Variants in ZBTB25 observed in about 807,000 individuals in gnomAD.
ZBTB25 encodes the protein zinc finger and BTB domain-containing protein 25.
A neutral mutation model predicts 34.2 loss-of-function variants in ZBTB25; 20 were observed. The observed-to-expected ratio is 0.58, with a 90% CI of 0.41 to 0.85. ZBTB25 has a LOEUF of 0.85. ZBTB25 is among the 40% of genes least tolerant of loss of function. The pLI, the probability that ZBTB25 is intolerant of heterozygous loss-of-function variation, is 0.00. For synonymous variants in ZBTB25, 175 were observed against 186.4 expected (o/e 0.94, Z 0.50); for missense variants, 437 against 521.8 (o/e 0.84, Z 1.58).
Position 64,487,289 on chromosome 14 carries a change from C to A in ZBTB25, c.942G>T (p.Arg314=). The A allele has an allele frequency of 6.2e-7, 1 of 1,613,902 alleles. No homozygotes were observed. ...ENEQQPDHTN[R]GTTEPLQISQ... Reference sequence around the variant, plus strand: ...TGATCTGCAAAGGCTCTGTGGTACCCCGGTTGGTGTGGTCTGGCTGCTGTT... The same window carrying A: ...TGATCTGCAAAGGCTCTGTGGTACCACGGTTGGTGTGGTCTGGCTGCTGTT... Residue 314 remains arginine, a synonymous_variant, in exon 3 of 3, where the codon CGG becomes CGT. Transcript: ENST00000608382.
At chr14:64,472,710 T>C (rs1444465259) in intron 2 of ZBTB25, 1 of 166,882 alleles carries the variant, frequency 6.0e-6, no homozygotes, top group African/African-American at 2.4e-5. Context: ...CAGTGAATTC[T>C]AAGGTGATTC....
At chr14:64,452,219 C>T (rs923852246) in intron 2 of ZBTB25, among the ~76,000 whole-genome samples, 1 of 152,142 alleles carries the variant, frequency 6.6e-6, no homozygotes, top group African/African-American at 2.4e-5. Context: ...CTCTTGAACC[C>T]GGGAGGCGGA....
At position 64,487,393 on chromosome 14, in the gene ZBTB25, C is replaced by T. The variant is rs200945562; in HGVS notation, c.838G>A (p.Gly280Ser). 3.1e-6 allele frequency: 5 copies of T among 1,614,150 alleles called. No homozygotes were observed. Among genetic ancestry groups the T allele is most frequent in the Non-Finnish European group, 4.2e-6 (5 of 1,180,030 alleles). ...PASILESNDL[G>S]EVHPLNENSE... The stretch of plus-strand genomic sequence containing the variant: ...TTTTCATTAAGGGGATGCACTTCAC[C>T]AAGGTCATTACTTTCCAGAATGGAA... Residue 280 changes from glycine to serine, a missense_variant, in exon 3 of 3, where the codon GGT (glycine) becomes AGT (serine). Coordinates refer to ENST00000608382, the MANE Select transcript of ZBTB25 (RefSeq NM_006977.5).
In ZBTB25 at chr14:64,480,387, C is replaced by T. The variant is rs1399089746; in HGVS notation, c.*6536G>A. 2.7e-6 allele frequency: 1 copy of T among 369,712 alleles called. No homozygotes were observed. The highest frequency in any genetic ancestry group is 2.0e-5 in the South Asian group (1 of 50,004). 22.9% of individuals were successfully genotyped at this position (369,712 alleles called of 1,614,324 possible). A position where few individuals can be genotyped will look rare whatever the true frequency, so the allele number is the denominator to read the frequency against. On this transcript the variant is annotated 3_prime_UTR_variant, in exon 3 of 3. Transcript: ENST00000608382. Reference sequence around the variant, plus strand: ...GAAACTTCTGGGAAATGACGAAATACTACCTTTCTTTCCAGAGACAGCAGT... The same window carrying T: ...GAAACTTCTGGGAAATGACGAAATATTACCTTTCTTTCCAGAGACAGCAGT...
At chr14:64,459,709 A>G (rs2140995614) in intron 2 of ZBTB25, 1 of 1,312,116 alleles carries the variant, frequency 7.6e-7, no homozygotes, top group Non-Finnish European at 9.8e-7. Context: ...AACAGGAAAC[A>G]TTTCAGTGCT....
intron 2 of ZBTB25, chr14:64,454,962 G>A (rs745868218): frequency 2.9e-6 from 4 of 1,396,696 alleles, no homozygotes; most frequent in East Asian, 2.3e-5. Context: ...AATGCCAAGT[G>A]AGCAGAGTTC....
intron 1 of ZBTB25, among the ~76,000 whole-genome samples, chr14:64,500,878 C>G (rs1198987082): frequency 6.6e-6 from 1 of 152,178 alleles, no homozygotes; most frequent in East Asian, 1.9e-4. Context: ...TGGCGAAACC[C>G]TGTCTCTACT....
intron 2 of ZBTB25, among the ~76,000 whole-genome samples, chr14:64,466,381 T>C (rs2078613692): frequency 6.6e-6 from 1 of 152,242 alleles, no homozygotes; most frequent in African/African-American, 2.4e-5. Flanking sequence ...CAAACGATTG[T>C]CTTTGCGCAA....
Position 64,482,729 on chromosome 14 carries a change from G to A in ZBTB25, c.*4194C>T, listed in dbSNP as rs932680434. The A allele has an allele frequency of 6.6e-6, 1 of 152,204 alleles. No individual in the cohort carries two copies. Among genetic ancestry groups the A allele is most frequent in the East Asian group, 1.9e-4 (1 of 5,200 alleles). The allele number at this position is 152,204 out of a possible 1,614,324, so 9.4% of individuals were successfully genotyped here. ...TCAATTAGTTATTGAATATTAGATA[G>A]TACATTACTGCTTTTAAGAACATTT... is the stretch of plus-strand genomic sequence containing the variant. On this transcript the variant is annotated 3_prime_UTR_variant, in exon 3 of 3. Transcript: ENST00000608382.
chr14:64,469,292 G>A, intron 2 of ZBTB25: 1 of 1,613,274 alleles, frequency 6.2e-7, no homozygotes, highest in Non-Finnish European at 8.5e-7. Context: ...TACAGAGATT[G>A]TAGCTGAAGA....
Position 64,481,939 on chromosome 14 carries a change from A to G in ZBTB25, c.*4984T>C, listed in dbSNP as rs1009053470. 6.6e-6 allele frequency: 1 copy of G among 151,074 alleles called. No homozygotes were observed. The highest frequency in any genetic ancestry group is 6.5e-5 in the Admixed American group (1 of 15,274). The allele number at this position is 151,074 out of a possible 1,614,324, so 9.4% of individuals were successfully genotyped here. A position where few individuals can be genotyped will look rare whatever the true frequency, so the allele number is the denominator to read the frequency against. ...CTTCACATGGCCCATTTTTACATCA[A>G]TTACTACAAAAAATGGACATTTATC... On this transcript the variant is annotated 3_prime_UTR_variant, in exon 3 of 3. Coordinates refer to ENST00000608382, the MANE Select transcript of ZBTB25 (RefSeq NM_006977.5).
At chr14:64,462,889 A>G (rs2078569364) in intron 2 of ZBTB25, 1 of 152,056 alleles carries the variant, frequency 6.6e-6, no homozygotes, top group South Asian at 2.1e-4. Flanking sequence ...GCTATTAACA[A>G]GGAGTTATAA....
Position 64,487,098 on chromosome 14 carries a change from T to C in ZBTB25, c.1133A>G (p.Tyr378Cys). Reference protein sequence around the residue: ...MYTHKGKSYRYNRCQRFGNAL... With the variant: ...MYTHKGKSYRCNRCQRFGNAL... ...ATTACCAAACCTTTGGCATCGGTTA[T>C]ATCTGTAAGATTTACCTTTGTGTGT... is the stretch of plus-strand genomic sequence containing the variant. Residue 378 changes from tyrosine (Y) to cysteine (C), a missense_variant, in exon 3 of 3, where the codon TAT becomes TGT. Coordinates refer to ENST00000608382, the MANE Select transcript of ZBTB25 (RefSeq NM_006977.5). The C allele has an allele frequency of 1.2e-6, 2 of 1,614,252 alleles. No homozygotes were observed. The highest frequency in any genetic ancestry group is 1.7e-6 in the Non-Finnish European group (2 of 1,180,040).
intron 2 of ZBTB25, chr14:64,458,805 A>G (rs761535553): frequency 1.9e-4 from 38 of 195,836 alleles, no homozygotes; most frequent in Non-Finnish European, 4.3e-5. Context: ...GGCCCTGAGT[A>G]CCGACTGCAA....
chr14:64,450,114 C>T (rs1479321975), intron 2 of ZBTB25, among the ~76,000 whole-genome samples: 1 of 152,166 alleles, frequency 6.6e-6, no homozygotes, highest in East Asian at 1.9e-4. Context: ...TAAACATATG[C>T]CACTGCTTAC....
At position 64,485,982 on chromosome 14, in the gene ZBTB25, T is replaced by A; in HGVS notation, c.*941A>T. ...ACTGTTTCTTAAATATTTTTTAATG[T>A]CTCTCTGACTCTTCTCCCTTTAACT... On this transcript the variant is annotated 3_prime_UTR_variant, in exon 3 of 3. Transcript: ENST00000608382. 1 of 979,362 alleles carries A rather than the reference T, an allele frequency of 1.0e-6. No individual in the cohort carries two copies. Among genetic ancestry groups the A allele is most frequent in the Non-Finnish European group, 1.2e-6 (1 of 828,544 alleles). The allele number at this position is 979,362 out of a possible 1,614,324, so 60.7% of individuals were successfully genotyped here.
At chr14:64,477,485 C>T (rs978626653), downstream of ZBTB25, among the ~76,000 whole-genome samples, 26 of 152,176 alleles carry the variant, frequency 1.7e-4, no homozygotes, top group Middle Eastern at 3.2e-3. Flanking sequence ...CACCAGACAG[C>T]ACACATGTGA....
At chr14:64,456,537 A>G (rs765753098) in intron 2 of ZBTB25, among the ~76,000 whole-genome samples, 2 of 152,092 alleles carry the variant, frequency 1.3e-5, no homozygotes, top group Non-Finnish European at 2.9e-5. Flanking sequence ...CAAAAATCCT[A>G]CTCATCACTG....
chr14:64,449,489 G>T, exon 3 of ZBTB25: 1 of 1,614,058 alleles, frequency 6.2e-7, no homozygotes, highest in Non-Finnish European at 8.5e-7. Flanking sequence ...CGCCTTTCCA[G>T]AGAACATGGG....
Sources: gnomAD v4.1 joint callset for allele counts (sites outside exome capture counted in the v4.1 genomes callset) on GRCh38, gnomAD v4.1.1 for gene constraint, MANE v1.5 for transcripts, NCBI Gene and HGNC (gene_info 2026-07-23, HGNC 2026-07-21) for gene names.